The following GPHN variants were observed in gnomAD, a reference collection of about 807,000 sequenced individuals.
The protein encoded by GPHN is gephyrin.
GPHN carries 17 observed loss-of-function variants against 95.5 expected under a neutral mutation model. The observed-to-expected ratio is 0.18, with a 90% CI of 0.12 to 0.27. The LOEUF (loss-of-function observed/expected upper bound fraction) is 0.27, where lower values mean the gene tolerates loss of function less well. Ranked by LOEUF, GPHN falls within the 10% of genes least tolerant of loss-of-function variation. The pLI is 1.00. For synonymous variants in GPHN, 320 were observed against 322.5 expected (o/e 0.99, Z 0.08); for missense variants, 660 against 978.1 (o/e 0.67, Z 4.34).
At chr14:66,703,921 A>G (rs886983740) in intron 2 of GPHN, among the ~76,000 whole-genome samples, 2 of 152,012 alleles carry the variant, frequency 1.3e-5, no homozygotes, top group African/African-American at 4.8e-5. Context: ...CATAGGTTCA[A>G]AATAAAAGGA....
the GPHN span, among the ~76,000 whole-genome samples, chr14:67,520,318 C>T: frequency 6.6e-6 from 1 of 152,162 alleles, no homozygotes; most frequent in South Asian, 2.1e-4. Context: ...CCATAAATGT[C>T]CTCTGTGCTT....
At chr14:67,494,568 G>C in the GPHN span, among the ~76,000 whole-genome samples, 1 of 152,128 alleles carries the variant, frequency 6.6e-6, no homozygotes, top group Non-Finnish European at 1.5e-5. Flanking sequence ...AATCGGCCCC[G>C]CCCCCACACA....
At chr14:66,955,939 T>A (rs1367094818) in intron 8 of GPHN, among the ~76,000 whole-genome samples, 1 of 152,210 alleles carries the variant, frequency 6.6e-6, no homozygotes, top group African/African-American at 2.4e-5. Context: ...CCACATTTTC[T>A]TAATCCAGTC....
the GPHN span, chr14:67,579,747 G>A: frequency 3.7e-5 from 60 of 1,612,850 alleles, no homozygotes; most frequent in Admixed American, 1.7e-4. Flanking sequence ...GCTCTTCCAC[G>A]GTTGATGAGT....
At chr14:67,387,955 CTAT>C in the GPHN span, among the ~76,000 whole-genome samples, 1 of 152,138 alleles carries the variant, frequency 6.6e-6, no homozygotes, top group Admixed American at 6.5e-5. Context: ...TAAGCCTCAC[CTAT>C]TATTTTTAGG....
chr14:67,720,122 T>C, the GPHN span, among the ~76,000 whole-genome samples: 1 of 152,244 alleles, frequency 6.6e-6, no homozygotes, highest in Non-Finnish European at 1.5e-5. Context: ...TTTGGCAATC[T>C]GATAAGTGAA....
At chr14:66,924,855 G>A (rs1039881119) in intron 8 of GPHN, among the ~76,000 whole-genome samples, 6 of 151,622 alleles carry the variant, frequency 4.0e-5, no homozygotes, top group Non-Finnish European at 8.8e-5. Flanking sequence ...GTCAGTGGCT[G>A]AATGATAGCT....
intron 17 of GPHN, among the ~76,000 whole-genome samples, chr14:67,130,987 T>C (rs2079665453): frequency 6.6e-6 from 1 of 152,198 alleles, no homozygotes; most frequent in Non-Finnish European, 1.5e-5. Context: ...GAACAGCAGA[T>C]GTCCTAGTTT....
chr14:66,973,920 C>T (rs1322876696), intron 9 of GPHN, among the ~76,000 whole-genome samples: 1 of 152,150 alleles, frequency 6.6e-6, no homozygotes, highest in Non-Finnish European at 1.5e-5. Context: ...TCTAAAAAGT[C>T]AGATCAACAT....
chr14:66,558,887 C>T (rs552053876), intron 1 of GPHN, among the ~76,000 whole-genome samples: 1 of 149,734 alleles, frequency 6.7e-6, no homozygotes, highest in Non-Finnish European at 1.5e-5. Flanking sequence ...TCCCTCCCCC[C>T]TCCCCCAACC....
intron 1 of GPHN, among the ~76,000 whole-genome samples, chr14:66,641,923 C>A (rs1187220921): frequency 6.6e-6 from 1 of 152,002 alleles, no homozygotes; most frequent in Non-Finnish European, 1.5e-5. Context: ...TTCAAAGGAT[C>A]AAGGATAATC....
chr14:67,563,170 T>A, the GPHN span, among the ~76,000 whole-genome samples: 2 of 152,224 alleles, frequency 1.3e-5, no homozygotes, highest in African/African-American at 4.8e-5. Context: ...TCTCATTTAA[T>A]CTTTGTGAGT....
At chr14:67,252,308 T>C in the GPHN span, among the ~76,000 whole-genome samples, 1 of 151,956 alleles carries the variant, frequency 6.6e-6, no homozygotes. Context: ...TGCACCACCA[T>C]ACCTAGCTAA....
At chr14:67,610,177 C>G in the GPHN span, among the ~76,000 whole-genome samples, 3 of 152,272 alleles carry the variant, frequency 2.0e-5, no homozygotes, top group East Asian at 1.9e-4. Flanking sequence ...GATCCACATT[C>G]CCTGAGAAAC....
chr14:67,118,055 C>CT (rs1449175211), intron 16 of GPHN, among the ~76,000 whole-genome samples: 4 of 152,134 alleles, frequency 2.6e-5, no homozygotes, highest in African/African-American at 9.7e-5. Context: ...AAAACATCAC[C>CT]TTGACAATGT....
chr14:66,866,447 A>C (rs944308269), intron 4 of GPHN, among the ~76,000 whole-genome samples: 3 of 152,202 alleles, frequency 2.0e-5, no homozygotes, highest in Non-Finnish European at 4.4e-5. Context: ...ACGTATTCTC[A>C]TGAAAATCTC....
chr14:67,711,528 C>A, the GPHN span, among the ~76,000 whole-genome samples: 2 of 152,068 alleles, frequency 1.3e-5, no homozygotes, highest in Non-Finnish European at 2.9e-5. Context: ...TTTTCTTTTT[C>A]TTTAAGCCAA....
chr14:67,639,637 T>G, the GPHN span, among the ~76,000 whole-genome samples: 1 of 152,012 alleles, frequency 6.6e-6, no homozygotes. Flanking sequence ...ATCTGTACAG[T>G]ACACTGGGTG....
At chr14:66,544,641 G>A (rs1436299433) in intron 1 of GPHN, among the ~76,000 whole-genome samples, 1 of 151,398 alleles carries the variant, frequency 6.6e-6, no homozygotes, top group East Asian at 1.9e-4. Flanking sequence ...CACAGAGGGG[G>A]ATTTGGCAGG....
Sources: allele counts gnomAD v4.1 joint callset (sites outside exome capture counted in the v4.1 genomes callset), GRCh38; gene constraint gnomAD v4.1.1; transcripts MANE v1.5; gene names NCBI Gene and HGNC (gene_info 2026-07-23, HGNC 2026-07-21).